The following ABCB5 variants were observed in gnomAD, a reference collection of about 807,000 sequenced individuals.
ABCB5 encodes the protein ATP-binding cassette sub-family B member 5.
Under a neutral mutation model 144.2 loss-of-function variants are expected in ABCB5, and 155 were observed. The observed-to-expected ratio is 1.08, with a 90% CI of 0.94 to 1.23. The LOEUF is 1.23. Among genes scored for constraint, ABCB5 ranks in the 50% most tolerant of loss-of-function variants. The probability of loss-of-function intolerance (pLI) is 0.00; values close to 1 mark genes in which losing one functional copy is unlikely to be tolerated. For synonymous variants in ABCB5, 610 were observed against 528.6 expected (o/e 1.15, Z -2.11); for missense variants, 1,830 against 1,520.8 (o/e 1.20, Z -3.38).
chr7:20,695,947 G>T (rs1354435488), intron 16 of ABCB5, among the ~76,000 whole-genome samples: 4 of 152,018 alleles, frequency 2.6e-5, no homozygotes, highest in Admixed American at 2.0e-4. Flanking sequence ...GGTGCAACTG[G>T]AGCTTATTTA....
At chr7:20,670,569 G>A (rs138603104) in intron 14 of ABCB5, among the ~76,000 whole-genome samples, 157 of 152,266 alleles carry the variant, frequency 1.0e-3, no homozygotes, top group Middle Eastern at 6.8e-3. Context: ...CTGTATAAGC[G>A]AGGCTTAGAA....
chr7:20,693,924 T>C (rs1459042769), intron 16 of ABCB5, among the ~76,000 whole-genome samples: 10 of 151,830 alleles, frequency 6.6e-5, no homozygotes, highest in Non-Finnish European at 1.3e-4. Context: ...TTCCCTAAAG[T>C]TTACAAACTA....
At chr7:20,658,017 T>C (rs1422017145) in intron 13 of ABCB5, among the ~76,000 whole-genome samples, 1 of 152,174 alleles carries the variant, frequency 6.6e-6, no homozygotes, top group East Asian at 1.9e-4. Context: ...ACCTAAAAAG[T>C]ATCTCAAGAT....
At chr7:20,624,907 T>G (rs1263514290) in intron 2 of ABCB5, among the ~76,000 whole-genome samples, 1 of 152,238 alleles carries the variant, frequency 6.6e-6, no homozygotes. Flanking sequence ...AAGAGCTGTG[T>G]AGAGGGAGGA....
chr7:20,742,998 T>C lies in ABCB5; in HGVS notation c.3146T>C (p.Val1049Ala), dbSNP rs149662771. The C allele has an allele frequency of 4.2e-4, 679 of 1,614,152 alleles. No homozygotes were observed. In the East Asian group the frequency reaches 8.0e-3, roughly 19 times the overall value. ...GAGCGAGGAAAGACAGTAGCATTTG[T>C]GGGGAGCAGCGGCTGTGGGAAAAGC... ...SIERGKTVAF[V>A]GSSGCGKSTS... The change falls in exon 25 of 28, where the codon GTG (valine) becomes GCG (alanine). Residue 1049 changes from valine (V) to alanine (A), a missense_variant. Coordinates refer to ENST00000404938, the MANE Select transcript of ABCB5 (RefSeq NM_001163941.2).
intron 23 of ABCB5, among the ~76,000 whole-genome samples, chr7:20,736,221 T>C (rs1782375085): frequency 6.6e-6 from 1 of 152,104 alleles, no homozygotes; most frequent in Non-Finnish European, 1.5e-5. Flanking sequence ...TTGTTGTTGT[T>C]GTTGCTGTTT....
At position 20,628,977 on chromosome 7, in the gene ABCB5, C is replaced by T. The variant is rs1783971218; in HGVS notation, c.259+139C>T. The T allele has an allele frequency of 3.0e-6, 3 of 988,404 alleles. No individual in the cohort carries two copies. The African/African-American group carries it at 5.0e-5, about 16-fold the overall frequency. The allele number at this position is 988,404 out of a possible 1,614,324, so 61.2% of individuals were successfully genotyped here. ...TATGTATTTAAGTCATTTATTCTGC[C>T]ATATTGCTGGGCACTAAAGAAACAA... On this transcript the variant is annotated intron_variant, in intron 4 of 27. Coordinates refer to ENST00000404938, the MANE Select transcript of ABCB5 (RefSeq NM_001163941.2).
chr7:20,665,693 G>T (rs540961523), intron 14 of ABCB5, among the ~76,000 whole-genome samples: 2 of 151,484 alleles, frequency 1.3e-5, no homozygotes, highest in Non-Finnish European at 2.9e-5. Flanking sequence ...GCAATGCAGT[G>T]ATCCATTTAT....
chr7:20,721,509 T>C (rs542394230), intron 20 of ABCB5, among the ~76,000 whole-genome samples: 1 of 152,324 alleles, frequency 6.6e-6, no homozygotes, highest in African/African-American at 2.4e-5. Flanking sequence ...TTGACCTTTC[T>C]CCTATTTTGG....
chr7:20,704,737 T>G lies in ABCB5; in HGVS notation c.2351T>G (p.Phe784Cys), dbSNP rs139933666. The G allele has an allele frequency of 4.9e-4, 792 of 1,613,544 alleles. 6 individuals are homozygous for G. In the African/African-American group the frequency reaches 8.5e-3, roughly 17 times the overall value. Residue 784 changes from phenylalanine (F) to cysteine (C), a missense_variant, in exon 20 of 28, where the codon TTT becomes TGT. Phe to Cys is a radical substitution (Grantham distance 205, BLOSUM62 -2). Coordinates refer to ENST00000404938, the MANE Select transcript of ABCB5 (RefSeq NM_001163941.2). ...CCTTTTCTCTAGGATATTGCCTGGTTTGATGAAAAGGAAAACAGCACAGGA... is the reference window on the plus strand; with the variant it reads ...CCTTTTCTCTAGGATATTGCCTGGTGTGATGAAAAGGAAAACAGCACAGGA... ...KAMLYQDIAW[F>C]DEKENSTGGL... is the part of the protein sequence containing the mutation.
intron 23 of ABCB5, among the ~76,000 whole-genome samples, chr7:20,731,031 C>T (rs182042576): frequency 1.7e-4 from 26 of 151,062 alleles, no homozygotes; most frequent in Non-Finnish European, 2.9e-4. Context: ...TGTCACTACT[C>T]TTTCTTTGCT....
chr7:20,751,232 A>G (rs1370224708), intron 26 of ABCB5, among the ~76,000 whole-genome samples: 1 of 150,204 alleles, frequency 6.7e-6, no homozygotes, highest in Non-Finnish European at 1.5e-5. Flanking sequence ...ATTTTCGGCT[A>G]AAGAGAAACT....
intron 23 of ABCB5, among the ~76,000 whole-genome samples, chr7:20,737,402 C>G (rs1782416615): frequency 6.6e-6 from 1 of 152,110 alleles, no homozygotes; most frequent in Non-Finnish European, 1.5e-5. Context: ...GGTCATTTAC[C>G]TCCCACAAAC....
chr7:20,711,890 C>CTCCT lies in ABCB5; in HGVS notation c.2421+7101_2421+7104dup, dbSNP rs1164279919. On this transcript the variant is annotated intron_variant, in intron 20 of 27. Transcript: ENST00000404938. ...CCTCCCTCCCTCCCTCCCTCCCTCCCTCCTTCCTTCCTTCCTTCCTTTCTT... is the reference window on the plus strand; with the variant it reads ...CCTCCCTCCCTCCCTCCCTCCCTCCCTCCTTCCTTCCTTCCTTCCTTCCTTTCTT... Among the ~76,000 whole-genome samples, 27 of 76,134 alleles carry CTCCT rather than the reference C, an allele frequency of 3.5e-4. 2 individuals are homozygous for CTCCT. The highest frequency in any genetic ancestry group is 5.0e-4 in the South Asian group (1 of 2,016). The allele number at this position is 76,134 out of a possible 152,430, so 49.9% of individuals were successfully genotyped here.
chr7:20,750,649 G>A (rs1478975297), intron 26 of ABCB5, among the ~76,000 whole-genome samples: 1 of 151,950 alleles, frequency 6.6e-6, no homozygotes, highest in Admixed American at 6.6e-5. Context: ...TATCGTATAT[G>A]TATAATACGT....
chr7:20,715,744 GAC>G (rs1781655207), intron 20 of ABCB5, among the ~76,000 whole-genome samples: 1 of 142,082 alleles, frequency 7.0e-6, no homozygotes, highest in Non-Finnish European at 1.5e-5. Flanking sequence ...TTTTTTTTGA[GAC>G]AGTCTCTCTG....
intron 14 of ABCB5, among the ~76,000 whole-genome samples, 194 bp from the exon 15 acceptor site, chr7:20,681,311 G>C (rs1174734537): frequency 6.6e-6 from 1 of 151,902 alleles, no homozygotes; most frequent in African/African-American, 2.4e-5. Context: ...ATTTTCAGTA[G>C]AGATGGAGTT....
chr7:20,650,658 G>A (rs1784556280), intron 12 of ABCB5, among the ~76,000 whole-genome samples: 1 of 151,602 alleles, frequency 6.6e-6, no homozygotes, highest in Admixed American at 6.6e-5. Context: ...ATATTCAAAA[G>A]TGATTAATTC....
At chr7:20,750,451 T>C (rs1198168205) in intron 26 of ABCB5, among the ~76,000 whole-genome samples, 1 of 151,798 alleles carries the variant, frequency 6.6e-6, no homozygotes, top group African/African-American at 2.4e-5. Context: ...AAATTGTGTA[T>C]GTTTGATGAA....
Sources: allele counts gnomAD v4.1 joint callset (sites outside exome capture counted in the v4.1 genomes callset), GRCh38; gene constraint gnomAD v4.1.1; transcripts MANE v1.5; gene names NCBI Gene and HGNC (gene_info 2026-07-23, HGNC 2026-07-21).